The following SYNPR variants were observed in gnomAD, a reference collection of about 807,000 sequenced individuals.
SYNPR encodes synaptoporin.
In SYNPR, 23 loss-of-function variants were observed where a neutral mutation model predicts 32.9. The observed-to-expected ratio is 0.70, with a 90% confidence interval of 0.50 to 0.99. The LOEUF (loss-of-function observed/expected upper bound fraction) is 0.99. Ranked by LOEUF, SYNPR falls within the 50% of genes least tolerant of loss-of-function variation. The pLI is 0.00. For missense variants in SYNPR, 318 were observed against 349.3 expected, an observed-to-expected ratio of 0.91 and a Z score of 0.71; for synonymous variants, 146 against 135.9, an observed-to-expected ratio of 1.07 and a Z score of -0.52.
chr3:63,445,167 T>C (rs1035370485), intron 2 of SYNPR, among the ~76,000 whole-genome samples: 1 of 152,184 alleles, frequency 6.6e-6, no homozygotes, highest in Non-Finnish European at 1.5e-5. Context: ...TCATTTGCTA[T>C]AGACAGAGCT....
At chr3:63,287,823 C>CTT (rs1172719439) in intron 2 of SYNPR, among the ~76,000 whole-genome samples, 11 of 152,116 alleles carry the variant, frequency 7.2e-5, no homozygotes, top group African/African-American at 2.7e-4. Flanking sequence ...GTCACATAGG[C>CTT]ACCGCTGTCA....
At chr3:63,389,693 T>A (rs1295802984) in intron 2 of SYNPR, among the ~76,000 whole-genome samples, 1 of 152,194 alleles carries the variant, frequency 6.6e-6, no homozygotes, top group Non-Finnish European at 1.5e-5. Flanking sequence ...AAAATCAACA[T>A]GCTGCCACCA....
intron 2 of SYNPR, among the ~76,000 whole-genome samples, chr3:63,290,423 C>T (rs999989729): frequency 5.9e-5 from 9 of 152,198 alleles, no homozygotes; most frequent in Non-Finnish European, 7.3e-5. Flanking sequence ...ATTCAGTTCC[C>T]TTTATGCTAC....
rs150162660 is a variant in SYNPR, at chr3:63,570,995, G to A, written c.408+14254G>A. On this transcript the variant is annotated intron_variant, in intron 4 of 5. Transcript: ENST00000478300. ...AAGAACCCCCCAAAATATAGACTAC[G>A]CACTCTCCAACATCTGGGTCTATAA... Among the ~76,000 whole-genome samples the A allele has an allele frequency of 5.9e-5, 9 of 152,122 alleles. 1 individual carries two copies. Among genetic ancestry groups the A allele is most frequent in the South Asian group, 4.2e-4 (2 of 4,810 alleles).
At chr3:63,385,499 G>A (rs1575618977) in intron 2 of SYNPR, among the ~76,000 whole-genome samples, 1 of 152,146 alleles carries the variant, frequency 6.6e-6, no homozygotes, top group Non-Finnish European at 1.5e-5. Flanking sequence ...TCACTGGCTT[G>A]AACTCTGAGC....
chr3:63,567,410 C>T (rs551232080), intron 4 of SYNPR, among the ~76,000 whole-genome samples: 31 of 152,248 alleles, frequency 2.0e-4, no homozygotes, highest in African/African-American at 7.2e-4. Context: ...GACTTTCATC[C>T]TCCTATCATT....
intron 2 of SYNPR, among the ~76,000 whole-genome samples, chr3:63,363,387 T>G (rs2087687610): frequency 6.6e-6 from 1 of 152,220 alleles, no homozygotes; most frequent in African/African-American, 2.4e-5. Context: ...GTAACATATA[T>G]TTCTTCCTTT....
intron 2 of SYNPR, among the ~76,000 whole-genome samples, chr3:63,335,896 C>T (rs2087287476): frequency 6.6e-6 from 1 of 151,014 alleles, no homozygotes; most frequent in Non-Finnish European, 1.5e-5. Flanking sequence ...TCTGCCTCAG[C>T]CTCCCCAGTA....
At chr3:63,519,880 A>T (rs372540090) in intron 3 of SYNPR, among the ~76,000 whole-genome samples, 10 of 152,348 alleles carry the variant, frequency 6.6e-5, no homozygotes, top group East Asian at 3.9e-4. Flanking sequence ...CCAAAAAAGA[A>T]AGTATAAATT....
At position 63,431,835 on chromosome 3, in the gene SYNPR, CTT is replaced by C. The variant is rs11331181; in HGVS notation, c.85-48985_85-48984del. On this transcript the variant is annotated intron_variant, in intron 2 of 5. Transcript: ENST00000478300. ...AAAAAAAAGTCATAGTTTCCCTTTT[CTT>C]TTTTTTTTTTTCTTCCCTGTTTGTG... 4.4e-3 allele frequency among the ~76,000 whole-genome samples: 638 copies of C among 144,610 alleles called. 6 individuals carry two copies. Among genetic ancestry groups the C allele is most frequent in the African/African-American group, 0.015 (577 of 39,358 alleles). The allele number at this position is 144,610 out of a possible 152,430, so 94.9% of individuals were successfully genotyped here. A position where few individuals can be genotyped will look rare whatever the true frequency, so the allele number is the denominator to read the frequency against.
In SYNPR at chr3:63,348,245, C is replaced by A. The variant is rs915470148; in HGVS notation, c.84+69503C>A. ...TGACTGGTGTAAGAATGATATCGCA[C>A]CATGGTTTTAATTTTCATTTCTCTG... On this transcript the variant is annotated intron_variant, in intron 2 of 5. Coordinates refer to ENST00000478300, the MANE Select transcript of SYNPR (RefSeq NM_001130003.2). Among the ~76,000 whole-genome samples the A allele has an allele frequency of 1.5e-4, 23 of 152,134 alleles. 1 individual carries two copies. Among genetic ancestry groups the A allele is most frequent in the Admixed American group, 8.5e-4 (13 of 15,288 alleles).
intron 2 of SYNPR, among the ~76,000 whole-genome samples, chr3:63,348,066 T>G (rs2087460506): frequency 6.6e-6 from 1 of 152,192 alleles, no homozygotes; most frequent in Non-Finnish European, 1.5e-5. Flanking sequence ...AATTGCTGGA[T>G]TGAATGGTGG....
chr3:63,424,570 T>TTA (rs1159804668), intron 2 of SYNPR, among the ~76,000 whole-genome samples: 1 of 152,226 alleles, frequency 6.6e-6, no homozygotes, highest in Non-Finnish European at 1.5e-5. Flanking sequence ...TATTGTATTA[T>TTA]TATATATATC....
chr3:63,374,093 A>T (rs2087853030), intron 2 of SYNPR, among the ~76,000 whole-genome samples: 1 of 152,236 alleles, frequency 6.6e-6, no homozygotes, highest in African/African-American at 2.4e-5. Flanking sequence ...AAATATGGAA[A>T]GGAAAGGCCA....
At chr3:63,354,553 T>G (rs1171270154) in intron 2 of SYNPR, among the ~76,000 whole-genome samples, 1 of 152,176 alleles carries the variant, frequency 6.6e-6, no homozygotes, top group East Asian at 1.9e-4. Flanking sequence ...ACATGAGAAG[T>G]ATCCTTGGAT....
chr3:63,545,972 AG>A (rs1321498213), intron 3 of SYNPR, among the ~76,000 whole-genome samples: 3 of 152,150 alleles, frequency 2.0e-5, no homozygotes, highest in Non-Finnish European at 4.4e-5. Flanking sequence ...TAGATGAATA[AG>A]CCGTTGTCAA....
intron 3 of SYNPR, among the ~76,000 whole-genome samples, chr3:63,534,333 T>G (rs1416443404): frequency 1.3e-5 from 2 of 152,210 alleles, no homozygotes; most frequent in Non-Finnish European, 2.9e-5. Flanking sequence ...AACCAAGTTA[T>G]AGCTAGAAGA....
intron 3 of SYNPR, among the ~76,000 whole-genome samples, chr3:63,540,634 C>T (rs1702280554): frequency 6.6e-6 from 1 of 151,952 alleles, no homozygotes; most frequent in South Asian, 2.1e-4. Flanking sequence ...CACCTCAGGA[C>T]ATACACAGAG....
intron 2 of SYNPR, among the ~76,000 whole-genome samples, chr3:63,461,506 T>C (rs1324879521): frequency 6.6e-6 from 1 of 152,088 alleles, no homozygotes; most frequent in Non-Finnish European, 1.5e-5. Context: ...TTTCTTCTAA[T>C]TCTATCCCCA....
Sources: allele counts gnomAD v4.1 joint callset (sites outside exome capture counted in the v4.1 genomes callset), GRCh38; gene constraint gnomAD v4.1.1; transcripts MANE v1.5; gene names NCBI Gene and HGNC (gene_info 2026-07-23, HGNC 2026-07-21).